Variants in LRRN1 observed in about 807,000 individuals in gnomAD.
The protein encoded by LRRN1 is leucine rich repeat neuronal 1.
A neutral mutation model predicts 45.8 loss-of-function variants in LRRN1; 14 were observed. The observed-to-expected ratio is 0.31, with a 90% CI of 0.20 to 0.48. LRRN1 has a LOEUF of 0.48. Among genes scored for constraint, LRRN1 ranks in the 20% least tolerant of loss-of-function variants. The probability of loss-of-function intolerance (pLI) is 0.99; values close to 1 mark genes in which losing one functional copy is unlikely to be tolerated. For synonymous variants in LRRN1, 359 were observed against 330.1 expected (o/e 1.09, Z -0.95); for missense variants, 789 against 874.2 (o/e 0.90, Z 1.23).
At chr3:3,824,982 T>C (rs189523801) in intron 1 of LRRN1, among the ~76,000 whole-genome samples, 4 of 152,302 alleles carry the variant, frequency 2.6e-5, no homozygotes, top group African/African-American at 7.2e-5. Context: ...ACAGGGAGGC[T>C]AGCCTGCTTG....
At position 3,845,260 on chromosome 3, in the gene LRRN1, C is replaced by G. The variant is rs1190371617; in HGVS notation, c.619C>G (p.Leu207Val). 3.1e-6 allele frequency: 5 copies of G among 1,614,142 alleles called. No individual in the cohort carries two copies. The African/African-American group carries it at 5.3e-5, about 17-fold the overall frequency. The change falls in exon 2 of 2, where the codon CTG becomes GTG. Residue 207 changes from leucine to valine, a missense_variant. By Grantham distance (32) the Leu-to-Val change is conservative. Coordinates refer to ENST00000319331, the MANE Select transcript of LRRN1 (RefSeq NM_020873.7). The surrounding 1 kb of genome is among the most constrained non-coding windows in gnomAD (Gnocchi z 6.5). Reference sequence around the variant, plus strand: ...CGGAGAAAACCCTGTGATTGGAATTCTGGATATGAACTTCAAACCCCTCGC... The same window carrying G: ...CGGAGAAAACCCTGTGATTGGAATTGTGGATATGAACTTCAAACCCCTCGC... ...MIGENPVIGI[L>V]DMNFKPLANL...
rs1692991744 is a variant in LRRN1 at position 3,816,677 on chromosome 3, TTCAG to T, written c.-279+16762_-279+16765del. On this transcript the variant is annotated intron_variant, in intron 1 of 1. Transcript: ENST00000319331. The surrounding 1 kb of genome is among the most constrained non-coding windows in gnomAD (Gnocchi z 4.0). Reference sequence around the variant, plus strand: ...AACTATAAAAGCTTTCTAGGAAACCTTCAGTCAAACAGAAAATTAAATTTGCACA... The same window carrying T: ...AACTATAAAAGCTTTCTAGGAAACCTTCAAACAGAAAATTAAATTTGCACA... 6.6e-6 allele frequency among the ~76,000 whole-genome samples: 1 copy of T among 152,198 alleles called. No homozygotes were observed.
chr3:3,834,533 TATATATATATATATATATATG>T (rs1575296297), intron 1 of LRRN1, among the ~76,000 whole-genome samples: 1 of 105,002 alleles, frequency 9.5e-6, no homozygotes, highest in East Asian at 4.1e-4. Flanking sequence ...AGGATATATA[TATATATATATATATATATATG>T]ATATATATAT....
chr3:3,818,043 T>A (rs1220172488), intron 1 of LRRN1, among the ~76,000 whole-genome samples: 1 of 152,228 alleles, frequency 6.6e-6, no homozygotes, highest in East Asian at 1.9e-4. Flanking sequence ...CACTGGTGTA[T>A]GTGTAGTGTT....
intron 1 of LRRN1, among the ~76,000 whole-genome samples, chr3:3,808,061 C>T (rs1289547501): frequency 6.6e-6 from 1 of 152,214 alleles, no homozygotes; most frequent in Non-Finnish European, 1.5e-5. Flanking sequence ...CATTCATTCA[C>T]ACTGTCAAAT....
rs1693849544 is a variant in LRRN1, at chr3:3,849,416, A to G, written c.*2624A>G. Among the ~76,000 whole-genome samples, 1 of 152,230 alleles carries G rather than the reference A, an allele frequency of 6.6e-6. No individual in the cohort carries two copies. The highest frequency in any genetic ancestry group is 2.4e-5 in the African/African-American group (1 of 41,464). On this transcript the variant is annotated 3_prime_UTR_variant, in exon 2 of 2. Transcript: ENST00000319331. ...TGAGCTGATTTTCAGCTGATAGAAAACAAAATGATAGAGTACTTTTTTCCT... is the reference window on the plus strand; with the variant it reads ...TGAGCTGATTTTCAGCTGATAGAAAGCAAAATGATAGAGTACTTTTTTCCT...
At chr3:3,804,970 T>C (rs2106449605) in intron 1 of LRRN1, among the ~76,000 whole-genome samples, 1 of 152,304 alleles carries the variant, frequency 6.6e-6, no homozygotes, top group East Asian at 1.9e-4. Context: ...AAGGACAATC[T>C]TGGAAACAAA....
At chr3:3,831,335 C>A (rs1693369333) in intron 1 of LRRN1, among the ~76,000 whole-genome samples, 1 of 152,208 alleles carries the variant, frequency 6.6e-6, no homozygotes, top group Non-Finnish European at 1.5e-5. Flanking sequence ...AAAAATTTTA[C>A]TGAGGGGGAA....
rs1400351344 is a variant in LRRN1 at position 3,830,884 on chromosome 3, G to A, written c.-278-13480G>A. On this transcript the variant is annotated intron_variant, in intron 1 of 1. Coordinates refer to ENST00000319331, the MANE Select transcript of LRRN1 (RefSeq NM_020873.7). ...AGTTTCCACCAAAGCCTAGTAACAGGCCAAGAGCTGTCTCTCAAAAGGAGA... is the reference window on the plus strand; with the variant it reads ...AGTTTCCACCAAAGCCTAGTAACAGACCAAGAGCTGTCTCTCAAAAGGAGA... 2.6e-5 allele frequency among the ~76,000 whole-genome samples: 4 copies of A among 152,270 alleles called. No homozygotes were observed. In the East Asian group the frequency reaches 7.7e-4, roughly 29 times the overall value.
In LRRN1 at chr3:3,845,798, A is replaced by C. The variant is rs758397141; in HGVS notation, c.1157A>C (p.Lys386Thr). 2 of 1,613,980 alleles carry C rather than the reference A, an allele frequency of 1.2e-6. No homozygotes were observed. The highest frequency in any genetic ancestry group is 1.7e-6 in the Non-Finnish European group (2 of 1,180,022). Residue 386 changes from lysine (K) to threonine (T), a missense_variant, in exon 2 of 2, where the codon AAA (lysine) becomes ACA (threonine). Lys to Thr is a moderately conservative substitution (Grantham distance 78). Transcript: ENST00000319331. The surrounding 1 kb of genome is among the most constrained non-coding windows in gnomAD (Gnocchi z 6.5). ...DCVIHWINSN[K>T]TNIRFMEPLS... ...GTGATCCACTGGATTAACTCCAACA[A>C]AACCAACATCCGCTTCATGGAGCCC...
intron 1 of LRRN1, among the ~76,000 whole-genome samples, chr3:3,812,768 G>A (rs1048856053): frequency 6.9e-6 from 1 of 145,052 alleles, no homozygotes; most frequent in Non-Finnish European, 1.5e-5. Context: ...CTCCATTTCT[G>A]TGTGGCTTTG....
At chr3:3,843,135 A>G (rs1254686456) in intron 1 of LRRN1, among the ~76,000 whole-genome samples, 1 of 152,186 alleles carries the variant, frequency 6.6e-6, no homozygotes, top group African/African-American at 2.4e-5. Context: ...GATTCCCTTA[A>G]TTTTCTCAAT....
chr3:3,831,435 A>C (rs377506412), intron 1 of LRRN1, among the ~76,000 whole-genome samples: 5 of 152,258 alleles, frequency 3.3e-5, no homozygotes, highest in Non-Finnish European at 7.3e-5. Flanking sequence ...CTTCTTGCTC[A>C]GTGGATCCAA....
rs184497008 is a variant in LRRN1, at chr3:3,824,719, C to G, written c.-278-19645C>G. Among the ~76,000 whole-genome samples the G allele has an allele frequency of 3.9e-5, 6 of 152,302 alleles. No individual in the cohort carries two copies. In the East Asian group the frequency reaches 1.2e-3, roughly 29 times the overall value. On this transcript the variant is annotated intron_variant, in intron 1 of 1. Transcript: ENST00000319331. ...TGATTCATTGATGGAGCACTAAAGACTAATGTCATTCAAAGAACTGTAGAC... is the reference window on the plus strand; with the variant it reads ...TGATTCATTGATGGAGCACTAAAGAGTAATGTCATTCAAAGAACTGTAGAC...
In LRRN1 at chr3:3,803,231, C is replaced by G. The variant is rs546083785; in HGVS notation, c.-279+3312C>G. The stretch of plus-strand genomic sequence containing the variant: ...AAGCAGTGACACTCATGGGAATATA[C>G]TAGGTACTAAAGAAAATCGGTCTCT... On this transcript the variant is annotated intron_variant, in intron 1 of 1. Transcript: ENST00000319331. Among the ~76,000 whole-genome samples the G allele has an allele frequency of 2.0e-5, 3 of 152,238 alleles. No homozygotes were observed. In the South Asian group the frequency reaches 6.2e-4, roughly 32 times the overall value.
intron 1 of LRRN1, among the ~76,000 whole-genome samples, chr3:3,824,405 G>A (rs1693171385): frequency 2.0e-5 from 3 of 152,056 alleles, no homozygotes; most frequent in Admixed American, 6.6e-5. Context: ...CACCAATTAA[G>A]AGAAATTTAA....
chr3:3,836,342 A>G (rs1693512014), intron 1 of LRRN1, among the ~76,000 whole-genome samples: 1 of 152,198 alleles, frequency 6.6e-6, no homozygotes, highest in African/African-American at 2.4e-5. Context: ...CCTATTAAAC[A>G]CTAATTCCCT....
intron 1 of LRRN1, among the ~76,000 whole-genome samples, chr3:3,840,832 TATCTC>T (rs1389932492): frequency 6.6e-6 from 1 of 152,186 alleles, no homozygotes; most frequent in Non-Finnish European, 1.5e-5. Flanking sequence ...TCAACACAGT[TATCTC>T]AAATCATATA....
At position 3,846,824 on chromosome 3, in the gene LRRN1, A is replaced by C. The variant is rs1332463340; in HGVS notation, c.*32A>C. 2.1e-5 allele frequency: 32 copies of C among 1,528,760 alleles called. No homozygotes were observed. Among genetic ancestry groups the C allele is most frequent in the Non-Finnish European group, 2.4e-5 (27 of 1,132,232 alleles). The allele number at this position is 1,528,760 out of a possible 1,614,324, so 94.7% of individuals were successfully genotyped here. On this transcript the variant is annotated 3_prime_UTR_variant, in exon 2 of 2. Coordinates refer to ENST00000319331, the MANE Select transcript of LRRN1 (RefSeq NM_020873.7). The surrounding 1 kb of genome is among the most constrained non-coding windows in gnomAD (Gnocchi z 5.7). ...GGATATTTTGCTTCTGGTAGTAAGG[A>C]GCACAAAGACGTTTTTGCTTTATTC...
Sources: allele counts gnomAD v4.1 joint callset (sites outside exome capture counted in the v4.1 genomes callset), GRCh38; gene constraint gnomAD v4.1.1; non-coding constraint Gnocchi (gnomAD v3.1); transcripts MANE v1.5; gene names NCBI Gene and HGNC (gene_info 2026-07-23, HGNC 2026-07-21).